EPHB2: variants seen among roughly 807,000 people sequenced by gnomAD.
EPHB2 encodes ephrin type-B receptor 2.
In EPHB2, 18 loss-of-function variants were observed where a neutral mutation model predicts 96.4. The observed-to-expected ratio is 0.19, with a 90% CI of 0.13 to 0.28. EPHB2 has a LOEUF of 0.28. Ranked by LOEUF, EPHB2 falls within the 10% of genes least tolerant of loss-of-function variation. The pLI is 1.00. For missense variants in EPHB2, 989 were observed against 1,355.4 expected (o/e 0.73, Z 4.25); for synonymous variants, 506 against 534.1 (o/e 0.95, Z 0.72).
rs1645773713 is a variant in EPHB2, at chr1:22,860,270, C to CG, written c.812-2761dup. 6.6e-6 allele frequency among the ~76,000 whole-genome samples: 1 copy of CG among 151,960 alleles called. No homozygotes were observed. The highest frequency in any genetic ancestry group is 2.4e-5 in the African/African-American group (1 of 41,362). Reference sequence around the variant, plus strand: ...GAAAGAGCTTTCTAGATGCTGGCAGCGGGGGGAGCGGCCAAGACCAGACCA... The same window carrying CG: ...GAAAGAGCTTTCTAGATGCTGGCAGCGGGGGGGAGCGGCCAAGACCAGACCA... On this transcript the variant is annotated intron_variant, in intron 3 of 15. Coordinates refer to ENST00000374630, the MANE Select transcript of EPHB2 (RefSeq NM_017449.5). This position sits in a 1 kb window ranked among gnomAD's most constrained non-coding sequence, Gnocchi z 4.6.
chr1:22,810,447 T>C (rs912282521), intron 3 of EPHB2, among the ~76,000 whole-genome samples: 6 of 152,276 alleles, frequency 3.9e-5, no homozygotes, highest in Admixed American at 3.9e-4. Context: ...CCACCCCACA[T>C]TGGGCCATTA....
chr1:22,913,531 G>T lies in EPHB2; in HGVS notation c.2922G>T (p.Met974Ile). ...QKKILNSIQVMRAQMNQIQSV... is the reference protein window; with the variant it reads ...QKKILNSIQVIRAQMNQIQSV... ...AAATCCTGAACAGTATCCAGGTGATGCGGGCGCAGATGAACCAGATTCAGT... is the reference window on the plus strand; with the variant it reads ...AAATCCTGAACAGTATCCAGGTGATTCGGGCGCAGATGAACCAGATTCAGT... Residue 974 changes from methionine (M) to isoleucine (I), a missense_variant, in exon 16 of 16, where the codon ATG becomes ATT. Coordinates refer to ENST00000374630, the MANE Select transcript of EPHB2 (RefSeq NM_017449.5). This position sits in a 1 kb window ranked among gnomAD's most constrained non-coding sequence, Gnocchi z 4.1. 6.2e-7 allele frequency: 1 copy of T among 1,614,216 alleles called. No individual in the cohort carries two copies.
chr1:22,720,517 G>T (rs1026775245), intron 1 of EPHB2, among the ~76,000 whole-genome samples: 1 of 152,118 alleles, frequency 6.6e-6, no homozygotes, highest in Non-Finnish European at 1.5e-5. Flanking sequence ...GAATCTAGAC[G>T]CCCCCTTACT....
chr1:22,912,916 C>T lies in EPHB2; in HGVS notation c.2852+317C>T, dbSNP rs1180604177. 4 of 397,166 alleles carry T rather than the reference C, an allele frequency of 1.0e-5. No individual in the cohort carries two copies. The Admixed American group carries it at 1.1e-4, about 11-fold the overall frequency. The allele number at this position is 397,166 out of a possible 1,614,324, so 24.6% of individuals were successfully genotyped here. ...TGCTTAGAAAATGCAAGCTGGCAGC[C>T]GGGCACAGTGGCTCATGCCTGTAAT... On this transcript the variant is annotated intron_variant, in intron 15 of 15. Transcript: ENST00000374630.
Position 22,906,203 on chromosome 1 carries a change from G to T in EPHB2, c.1888+94G>T. ...CCCTTGGGGCAGAAGGTAGGATGTG[G>T]GACAGGCGCCTCAAAGGACCCCCCA... On this transcript the variant is annotated intron_variant, in intron 10 of 15. Coordinates refer to ENST00000374630, the MANE Select transcript of EPHB2 (RefSeq NM_017449.5). This position sits in a 1 kb window ranked among gnomAD's most constrained non-coding sequence, Gnocchi z 4.8. 2 of 1,589,152 alleles carry T rather than the reference G, an allele frequency of 1.3e-6. No homozygotes were observed. Among genetic ancestry groups the T allele is most frequent in the Non-Finnish European group, 1.7e-6 (2 of 1,166,064 alleles).
rs1359425830 is a variant in EPHB2 at position 22,846,287 on chromosome 1, G to A, written c.812-16750G>A. 6.6e-6 allele frequency among the ~76,000 whole-genome samples: 1 copy of A among 152,008 alleles called. No homozygotes were observed. The highest frequency in any genetic ancestry group is 1.9e-4 in the East Asian group (1 of 5,190). Reference sequence around the variant, plus strand: ...ATAAAATAGTCGGGCATAGTGACGTGCGCCTGTAATCCCAGCTACTAGGGA... The same window carrying A: ...ATAAAATAGTCGGGCATAGTGACGTACGCCTGTAATCCCAGCTACTAGGGA... On this transcript the variant is annotated intron_variant, in intron 3 of 15. Transcript: ENST00000374630. The surrounding 1 kb of genome is among the most constrained non-coding windows in gnomAD (Gnocchi z 4.3).
rs114693883 is a variant in EPHB2 at position 22,827,648 on chromosome 1, C to T, written c.812-35389C>T. Among the ~76,000 whole-genome samples the T allele has an allele frequency of 6.2e-3, 943 of 152,332 alleles. 9 individuals carry two copies. Among genetic ancestry groups the T allele is most frequent in the African/African-American group, 0.02 (837 of 41,578 alleles). On this transcript the variant is annotated intron_variant, in intron 3 of 15. Transcript: ENST00000374630. ...CTTAATTTAGGAGACTCATGTAAAG[C>T]GCCTGGGTCATAGTAAGTCCTCAAT... is the stretch of plus-strand genomic sequence containing the variant.
chr1:22,755,018 C>T (rs1297927613), intron 1 of EPHB2, among the ~76,000 whole-genome samples: 3 of 135,444 alleles, frequency 2.2e-5, no homozygotes, highest in East Asian at 2.4e-4. Flanking sequence ...GCCCTGAGCC[C>T]GAGGCCCCCC....
At chr1:22,863,270 G>A (rs1638341524) in intron 4 of EPHB2, 78 bp downstream of exon 4, 1 of 1,605,170 alleles carries the variant, frequency 6.2e-7, no homozygotes, top group Non-Finnish European at 8.5e-7. Context: ...AGTGAGGATT[G>A]GGTGCCGTCC....
At chr1:22,739,394 T>C (rs1239534278) in intron 1 of EPHB2, among the ~76,000 whole-genome samples, 1 of 152,086 alleles carries the variant, frequency 6.6e-6, no homozygotes. Context: ...TTTTGTATTT[T>C]TAGTAGAGAT....
At chr1:22,842,643 A>G (rs1395403947) in intron 3 of EPHB2, among the ~76,000 whole-genome samples, 4 of 152,118 alleles carry the variant, frequency 2.6e-5, no homozygotes, top group Non-Finnish European at 5.9e-5. Context: ...TTCTGTGGCC[A>G]TGGGGCCCAC....
chr1:22,825,696 G>A (rs1375843546), intron 3 of EPHB2, among the ~76,000 whole-genome samples: 1 of 152,242 alleles, frequency 6.6e-6, no homozygotes, highest in Non-Finnish European at 1.5e-5. Flanking sequence ...CCAGGGGCTA[G>A]GGCCACCCTG....
At chr1:22,903,200 G>A (rs554637602) in intron 9 of EPHB2, among the ~76,000 whole-genome samples, 3 of 152,202 alleles carry the variant, frequency 2.0e-5, no homozygotes, top group Non-Finnish European at 4.4e-5. Flanking sequence ...CAGTGGAGGT[G>A]ACCAAGGAGG....
chr1:22,884,881 T>C (rs1019029553), intron 6 of EPHB2, among the ~76,000 whole-genome samples: 4 of 152,172 alleles, frequency 2.6e-5, no homozygotes, highest in African/African-American at 9.7e-5. Context: ...CAATTATCAT[T>C]TTTTAAGTGT....
At chr1:22,859,748 G>C (rs754010391) in intron 3 of EPHB2, among the ~76,000 whole-genome samples, 5 of 151,930 alleles carry the variant, frequency 3.3e-5, no homozygotes, top group Non-Finnish European at 7.4e-5. Flanking sequence ...AGCCGAGATT[G>C]TGCCACTGCA....
rs1274932062 is a variant in EPHB2 at position 22,906,227 on chromosome 1, C to A, written c.1888+118C>A. ...GGGACAGGCGCCTCAAAGGACCCCCCAAGGCCTGAAGGTTCAGAATGACCA... is the reference window on the plus strand; with the variant it reads ...GGGACAGGCGCCTCAAAGGACCCCCAAAGGCCTGAAGGTTCAGAATGACCA... On this transcript the variant is annotated intron_variant, in intron 10 of 15. Transcript: ENST00000374630. This position sits in a 1 kb window ranked among gnomAD's most constrained non-coding sequence, Gnocchi z 4.8. 2.0e-6 allele frequency: 3 copies of A among 1,495,254 alleles called. No individual in the cohort carries two copies. The highest frequency in any genetic ancestry group is 2.3e-5 in the East Asian group (1 of 42,914). 92.6% of individuals were successfully genotyped at this position (1,495,254 alleles called of 1,614,324 possible).
At chr1:22,775,255 C>T (rs752889590) in intron 1 of EPHB2, 2 of 779,822 alleles carry the variant, frequency 2.6e-6, no homozygotes, top group Non-Finnish European at 4.8e-6. Flanking sequence ...GTTGGTTCTC[C>T]TGTCTGGCCT....
At chr1:22,718,996 T>C (rs530900608) in intron 1 of EPHB2, among the ~76,000 whole-genome samples, 36 of 152,226 alleles carry the variant, frequency 2.4e-4, no homozygotes, top group African/African-American at 8.2e-4. Context: ...TCCATCAACA[T>C]CCTGAGATAA....
chr1:22,711,361 C>T (rs1489288438), intron 1 of EPHB2, among the ~76,000 whole-genome samples: 2 of 148,468 alleles, frequency 1.3e-5, no homozygotes, highest in Non-Finnish European at 3.0e-5. Context: ...CTCGGGCAGC[C>T]GCCTCGCGCC....
Sources: allele counts gnomAD v4.1 joint callset (sites outside exome capture counted in the v4.1 genomes callset), GRCh38; gene constraint gnomAD v4.1.1; non-coding constraint Gnocchi (gnomAD v3.1); transcripts MANE v1.5; gene names NCBI Gene and HGNC (gene_info 2026-07-23, HGNC 2026-07-21).